Variants in SRCIN1 observed in about 807,000 individuals in gnomAD.
SRCIN1 encodes SRC kinase signaling inhibitor 1, also known as P130Cas-associated protein.
Under a neutral mutation model 116.2 loss-of-function variants are expected in SRCIN1, and 50 were observed. That is an observed-to-expected ratio of 0.43 (90% confidence interval 0.34 to 0.54). The LOEUF (loss-of-function observed/expected upper bound fraction) is 0.54. Among genes scored for constraint, SRCIN1 ranks in the 20% least tolerant of loss-of-function variants. The pLI, the probability that SRCIN1 is intolerant of heterozygous loss-of-function variation, is 0.02. For missense variants in SRCIN1, 1,446 were observed against 1,672.0 expected, an observed-to-expected ratio of 0.86 and a Z score of 2.36; for synonymous variants, 736 against 750.0, an observed-to-expected ratio of 0.98 and a Z score of 0.30.
At chr17:38,567,773 T>C (rs1299524532) in intron 3 of SRCIN1, among the ~76,000 whole-genome samples, 14 of 151,988 alleles carry the variant, frequency 9.2e-5, no homozygotes. Context: ...GCCCCCATGG[T>C]GGACAGTAAG....
At chr17:38,580,277 AACACAC>A (rs151312373) in intron 1 of SRCIN1, among the ~76,000 whole-genome samples, 1 of 150,250 alleles carries the variant, frequency 6.7e-6, no homozygotes, top group African/African-American at 2.4e-5. Flanking sequence ...ACCTGCCCCC[AACACAC>A]ACACACACAC....
At position 38,563,995 on chromosome 17, in the gene SRCIN1, T is replaced by G; in HGVS notation, c.541+123A>C. On this transcript the variant is annotated intron_variant, in intron 4 of 18. Transcript: ENST00000617146. This position sits in a 1 kb window ranked among gnomAD's most constrained non-coding sequence, Gnocchi z 5.8. Reference sequence around the variant, plus strand: ...CTGGGGTTGCTTGGGGAGAAGGGGCTGTGGGAAAGAGAGCAGAGCTTGAGG... The same window carrying G: ...CTGGGGTTGCTTGGGGAGAAGGGGCGGTGGGAAAGAGAGCAGAGCTTGAGG... The G allele has an allele frequency of 2.7e-6, 3 of 1,112,032 alleles. No homozygotes were observed. The highest frequency in any genetic ancestry group is 3.8e-6 in the Non-Finnish European group (3 of 784,652). 68.9% of individuals were successfully genotyped at this position (1,112,032 alleles called of 1,614,324 possible).
rs955429402 is a variant in SRCIN1, at chr17:38,567,279, A to T, written c.345+932T>A. 8.5e-5 allele frequency among the ~76,000 whole-genome samples: 13 copies of T among 152,228 alleles called. 1 individual carries two copies. The highest frequency in any genetic ancestry group is 1.5e-5 in the Non-Finnish European group (1 of 68,030). On this transcript the variant is annotated intron_variant, in intron 3 of 18. Coordinates refer to ENST00000617146, the MANE Select transcript of SRCIN1 (RefSeq NM_025248.3). Reference sequence around the variant, plus strand: ...ACTCTACAGAGGAGAAACCAAGGCTAAGAGGATATGTGGCTTGCCCCAGGT... The same window carrying T: ...ACTCTACAGAGGAGAAACCAAGGCTTAGAGGATATGTGGCTTGCCCCAGGT...
chr17:38,572,269 G>A lies in SRCIN1; in HGVS notation c.325-4038C>T, dbSNP rs554581590. Among the ~76,000 whole-genome samples, 2 of 146,156 alleles carry A rather than the reference G, an allele frequency of 1.4e-5. No homozygotes were observed. The highest frequency in any genetic ancestry group is 4.4e-4 in the South Asian group (2 of 4,586). On this transcript the variant is annotated intron_variant, in intron 2 of 18. Coordinates refer to ENST00000617146, the MANE Select transcript of SRCIN1 (RefSeq NM_025248.3). This position sits in a 1 kb window ranked among gnomAD's most constrained non-coding sequence, Gnocchi z 4.3. ...CTAAGCCACTCGCCCCTCCTCGGGC[G>A]CCTGCCCCCACCGCGATGTACATGC...
intron 18 of SRCIN1, among the ~76,000 whole-genome samples, chr17:38,538,142 C>T (rs1157754593): frequency 6.7e-6 from 1 of 148,220 alleles, no homozygotes; most frequent in Non-Finnish European, 1.5e-5. Context: ...TAAAATAGGC[C>T]GGGTGTGGTG....
chr17:38,574,898 G>C (rs1326587505), intron 2 of SRCIN1: 8 of 400,982 alleles, frequency 2.0e-5, no homozygotes. Context: ...GCCAGCCCCG[G>C]AGGGGGCGGA....
intron 7 of SRCIN1, among the ~76,000 whole-genome samples, 190 bp downstream of exon 7, chr17:38,561,273 A>C (rs1386678875): frequency 6.6e-6 from 1 of 152,098 alleles, no homozygotes; most frequent in African/African-American, 2.4e-5. Flanking sequence ...GAAAATGGCA[A>C]GCTGGTCTCT....
chr17:38,547,805 TG>T (rs1187534096), intron 17 of SRCIN1: 11 of 188,126 alleles, frequency 5.8e-5, no homozygotes, highest in South Asian at 9.0e-5. Context: ...CCCCAGGTCC[TG>T]GGGGGACAGC....
chr17:38,604,630 A>G lies in SRCIN1; in HGVS notation c.22+1054T>C. Reference sequence around the variant, plus strand: ...GGACGCGTGGGGCTGGGGGACGAGCACCAGCAGCCGCACACGCCCCGCCGG... The same window carrying G: ...GGACGCGTGGGGCTGGGGGACGAGCGCCAGCAGCCGCACACGCCCCGCCGG... On this transcript the variant is annotated intron_variant, in intron 1 of 18. Transcript: ENST00000617146. This position sits in a 1 kb window ranked among gnomAD's most constrained non-coding sequence, Gnocchi z 4.3. 1 of 423,160 alleles carries G rather than the reference A, an allele frequency of 2.4e-6. No homozygotes were observed. The highest frequency in any genetic ancestry group is 4.7e-6 in the Non-Finnish European group (1 of 211,632). The allele number at this position is 423,160 out of a possible 1,614,324, so 26.2% of individuals were successfully genotyped here.
chr17:38,561,924 G>A lies in SRCIN1; in HGVS notation c.1239C>T (p.Ala413=). 6.9e-7 allele frequency: 1 copy of A among 1,446,906 alleles called. No homozygotes were observed. The highest frequency in any genetic ancestry group is 9.0e-7 in the Non-Finnish European group (1 of 1,114,374). 89.6% of individuals were successfully genotyped at this position (1,446,906 alleles called of 1,614,324 possible). A position where few individuals can be genotyped will look rare whatever the true frequency, so the allele number is the denominator to read the frequency against. Residue 413 remains alanine (A), a synonymous_variant, in exon 7 of 19, where the codon GCC becomes GCT. Transcript: ENST00000617146. ...CCGGGTAGGCGAACGGGTCGCCGGCGGCCGCGGCCAGGCTCAGACGGCCCT... is the reference window on the plus strand; with the variant it reads ...CCGGGTAGGCGAACGGGTCGCCGGCAGCCGCGGCCAGGCTCAGACGGCCCT... The part of the protein sequence containing the change: ...LHEGRLSLAA[A]AGDPFAYPGA...
chr17:38,555,063 G>C (rs1022264388), intron 11 of SRCIN1, among the ~76,000 whole-genome samples: 1 of 152,148 alleles, frequency 6.6e-6, no homozygotes, highest in African/African-American at 2.4e-5. Context: ...CCTGTATTAC[G>C]CACTTACTGT....
At position 38,562,012 on chromosome 17, in the gene SRCIN1, G is replaced by A. The variant is rs967058571; in HGVS notation, c.1151C>T (p.Ala384Val). Residue 384 changes from alanine to valine, a missense_variant, in exon 7 of 19, where the codon GCG becomes GTG. By Grantham distance (64) the Ala-to-Val change is moderately conservative (BLOSUM62 0). This residue lies in a region of SRCIN1 where 239 missense variants were observed against 317.7 expected (regional missense o/e 0.75). Coordinates refer to ENST00000617146, the MANE Select transcript of SRCIN1 (RefSeq NM_025248.3). This position sits in a 1 kb window ranked among gnomAD's most constrained non-coding sequence, Gnocchi z 4.2. ...VKPDEDLASK[A>V]GGMVLVKGEG... ...GCCTTTCACCAGCACCATGCCGCCC[G>A]CCTTGCTCGCCAGGTCCTCGTCCGG... 47 of 1,493,512 alleles carry A rather than the reference G, an allele frequency of 3.1e-5. No individual in the cohort carries two copies. The highest frequency in any genetic ancestry group is 4.2e-5 in the Non-Finnish European group (47 of 1,129,590). The allele number at this position is 1,493,512 out of a possible 1,614,324, so 92.5% of individuals were successfully genotyped here. A position where few individuals can be genotyped will look rare whatever the true frequency, so the allele number is the denominator to read the frequency against.
At chr17:38,561,207 C>T (rs1459986385) in intron 7 of SRCIN1, among the ~76,000 whole-genome samples, 1 of 152,202 alleles carries the variant, frequency 6.6e-6, no homozygotes, top group Non-Finnish European at 1.5e-5. Context: ...ACCCAAGTCT[C>T]CAGAGTCCTC....
chr17:38,569,497 TG>T (rs1435952616), intron 2 of SRCIN1, among the ~76,000 whole-genome samples: 2 of 151,914 alleles, frequency 1.3e-5, no homozygotes, highest in African/African-American at 4.8e-5. Flanking sequence ...AGGGAGGAGT[TG>T]GAAGGGGCTG....
At position 38,532,292 on chromosome 17, in the gene SRCIN1, C is replaced by T. The variant is rs1054567899; in HGVS notation, c.*1005G>A. 1 of 152,608 alleles carries T rather than the reference C, an allele frequency of 6.6e-6. No individual in the cohort carries two copies. Among genetic ancestry groups the T allele is most frequent in the African/African-American group, 2.4e-5 (1 of 41,424 alleles). 9.5% of individuals were successfully genotyped at this position (152,608 alleles called of 1,614,324 possible). A position where few individuals can be genotyped will look rare whatever the true frequency, so the allele number is the denominator to read the frequency against. On this transcript the variant is annotated 3_prime_UTR_variant, in exon 19 of 19. Transcript: ENST00000617146. This position sits in a 1 kb window ranked among gnomAD's most constrained non-coding sequence, Gnocchi z 4.3. ...TCAGTGCTCCCCGTCAAGCCCCTCT[C>T]GACCCTCCCATTTCCCTCAAACCAG...
intron 8 of SRCIN1, 56 bp downstream of exon 8, chr17:38,560,277 C>A: frequency 6.5e-7 from 1 of 1,538,034 alleles, no homozygotes. Context: ...GCCCATTTCC[C>A]CTTCCTCCTG....
At chr17:38,542,055 G>C (rs1014014799) in intron 18 of SRCIN1, 1 of 151,726 alleles carries the variant, frequency 6.6e-6, no homozygotes. Context: ...GCAGGTGTGG[G>C]GGGGGTCTAC....
At chr17:38,591,993 C>T (rs1052829910) in intron 1 of SRCIN1, among the ~76,000 whole-genome samples, 5 of 152,346 alleles carry the variant, frequency 3.3e-5, no homozygotes, top group African/African-American at 1.2e-4. Context: ...AAGTGGAAAA[C>T]CACAAGCCCA....
intron 3 of SRCIN1, among the ~76,000 whole-genome samples, chr17:38,567,163 C>T (rs568574629): frequency 9.8e-5 from 15 of 152,326 alleles, no homozygotes; most frequent in South Asian, 6.2e-4. Context: ...CCTCGGCCTC[C>T]GAAAGTGCTG....
Sources: allele counts gnomAD v4.1 joint callset (sites outside exome capture counted in the v4.1 genomes callset), GRCh38; gene constraint gnomAD v4.1.1; regional missense constraint gnomAD v4.1.1; non-coding constraint Gnocchi (gnomAD v3.1); transcripts MANE v1.5; gene names NCBI Gene and HGNC (gene_info 2026-07-23, HGNC 2026-07-21).